Variants in ZNF789 observed in about 807,000 individuals in gnomAD.
ZNF789 encodes the protein zinc finger protein 789.
A neutral mutation model predicts 15.6 loss-of-function variants in ZNF789; 11 were observed. The observed-to-expected ratio is 0.70, with a 90% CI of 0.44 to 1.16. ZNF789 has a LOEUF of 1.16. Ranked by LOEUF, ZNF789 falls within the 50% of genes most tolerant of loss-of-function variation. The pLI is 0.00. For missense variants in ZNF789, 461 were observed against 512.6 expected (o/e 0.90, Z 0.97); for synonymous variants, 159 against 176.0 (o/e 0.90, Z 0.76).
intron 1 of ZNF789, among the ~76,000 whole-genome samples, chr7:99,474,202 T>C (rs189765274): frequency 2.0e-5 from 3 of 152,148 alleles, no homozygotes; most frequent in Non-Finnish European, 4.4e-5. Flanking sequence ...CTGGGCCACA[T>C]TGGAAGAAGA....
At chr7:99,477,142 A>C (rs1416947096) in intron 2 of ZNF789, among the ~76,000 whole-genome samples, 1 of 151,578 alleles carries the variant, frequency 6.6e-6, no homozygotes, top group Non-Finnish European at 1.5e-5. Flanking sequence ...TCCCGGGTTC[A>C]AGTGATTATC....
At chr7:99,483,447 T>C (rs1314894876) in intron 3 of ZNF789, among the ~76,000 whole-genome samples, 2 of 151,980 alleles carry the variant, frequency 1.3e-5, no homozygotes, top group African/African-American at 4.8e-5. Flanking sequence ...CTGGCCAACA[T>C]GGTGAAACCC....
intron 1 of ZNF789, among the ~76,000 whole-genome samples, chr7:99,474,893 G>C (rs1799232645): frequency 1.3e-5 from 2 of 151,862 alleles, no homozygotes; most frequent in African/African-American, 2.4e-5. Flanking sequence ...ACTGAGGCAG[G>C]AGCATTGCTT....
chr7:99,485,338 C>A, intron 4 of ZNF789: 1 of 918,256 alleles, frequency 1.1e-6, no homozygotes, highest in Non-Finnish European at 1.7e-6. Context: ...CCCTGGCCTG[C>A]ATCCACTAGA....
chr7:99,484,355 G>A (rs1799802822), intron 4 of ZNF789, among the ~76,000 whole-genome samples: 1 of 152,214 alleles, frequency 6.6e-6, no homozygotes, highest in Non-Finnish European at 1.5e-5. Context: ...GCTGGACGCG[G>A]TGGCGCATTC....
At chr7:99,481,574 C>G (rs1781564187) in intron 3 of ZNF789, 1 of 153,008 alleles carries the variant, frequency 6.5e-6, no homozygotes, top group African/African-American at 2.4e-5. Flanking sequence ...TCTCCTGCCT[C>G]AGACTCCTGA....
chr7:99,474,455 G>C (rs1325112170), intron 1 of ZNF789, among the ~76,000 whole-genome samples: 2 of 152,072 alleles, frequency 1.3e-5, no homozygotes, highest in Admixed American at 6.5e-5. Flanking sequence ...TTAGCGGGGC[G>C]TGGTGGCGGG....
At chr7:99,478,408 A>G in intron 2 of ZNF789, 1 of 1,271,290 alleles carries the variant, frequency 7.9e-7, no homozygotes, top group Admixed American at 2.3e-5. Flanking sequence ...GATAGGCAGG[A>G]AAGAAAGTCC....
In ZNF789 at chr7:99,476,493, TC is replaced by T; in HGVS notation, c.24+18del. ...AGCCAGGGGGAAGGTGAGCTGTGCCTCCCCCTCTGCTTCATCAGCATAGTCA... is the reference window on the plus strand; with the variant it reads ...AGCCAGGGGGAAGGTGAGCTGTGCCTCCCCTCTGCTTCATCAGCATAGTCA... On this transcript the variant is annotated intron_variant, in intron 2 of 4. Transcript: ENST00000331410. 6.2e-7 allele frequency: 1 copy of T among 1,610,626 alleles called. No individual in the cohort carries two copies. Among genetic ancestry groups the T allele is most frequent in the Non-Finnish European group, 8.5e-7 (1 of 1,178,818 alleles).
At chr7:99,481,672 G>A (rs1465952871) in intron 3 of ZNF789, 1 of 162,244 alleles carries the variant, frequency 6.2e-6, no homozygotes, top group Non-Finnish European at 1.3e-5. Context: ...GGTCAGGCTG[G>A]TCTCAAACTC....
chr7:99,476,621 C>T, intron 2 of ZNF789, 141 bp downstream of exon 2: 1 of 981,494 alleles, frequency 1.0e-6, no homozygotes, highest in East Asian at 3.2e-5. Flanking sequence ...TCTGGAGTCA[C>T]ATGGGCTTCC....
At chr7:99,486,329 G>C (rs1799947121) in intron 4 of ZNF789, 147 bp from the exon 5 acceptor site, 5 of 833,738 alleles carry the variant, frequency 6.0e-6, no homozygotes, top group Admixed American at 3.2e-5. Flanking sequence ...AAAAATTTCA[G>C]AGTTTTGGCC....
chr7:99,485,321 G>A (rs1799875720), intron 4 of ZNF789: 6 of 1,097,326 alleles, frequency 5.5e-6, no homozygotes, highest in Non-Finnish European at 8.0e-6. Context: ...AGGATGTTGA[G>A]TAGCAGCCCT....
rs146542981 is a variant in ZNF789 at position 99,486,659 on chromosome 7, A to G, written c.449A>G (p.Tyr150Cys). ...RLTFPTSGDE[Y>C]SRGFLQNLNL... ...ACTTTCCCTACTAGTGGTGATGAATACAGCAGGGGCTTCCTTCAAAACCTT... is the reference window on the plus strand; with the variant it reads ...ACTTTCCCTACTAGTGGTGATGAATGCAGCAGGGGCTTCCTTCAAAACCTT... The change falls in exon 5 of 5, where the codon TAC (tyrosine) becomes TGC (cysteine). Residue 150 changes from tyrosine (Y) to cysteine (C), a missense_variant. By Grantham distance (194) the Tyr-to-Cys change is radical. Transcript: ENST00000331410. 480 of 1,614,218 alleles carry G rather than the reference A, an allele frequency of 3.0e-4. No individual in the cohort carries two copies. The African/African-American group carries it at 4.8e-3, about 16-fold the overall frequency.
chr7:99,483,978 ATGT>A (rs1799776494), intron 3 of ZNF789, 49 bp from the exon 4 acceptor site: 5 of 1,463,372 alleles, frequency 3.4e-6, no homozygotes, highest in Middle Eastern at 1.7e-4. Flanking sequence ...GCCCCGGGCC[ATGT>A]CTCTGTAACT....
At position 99,487,511 on chromosome 7, in the gene ZNF789, G is replaced by A; in HGVS notation, c.*23G>A. Reference sequence around the variant, plus strand: ...TGATGTTAATTGGAAAGCAGTCATTGGAGAACTAGAACTTATAAACCTCTA... The same window carrying A: ...TGATGTTAATTGGAAAGCAGTCATTAGAGAACTAGAACTTATAAACCTCTA... On this transcript the variant is annotated 3_prime_UTR_variant, in exon 5 of 5. Coordinates refer to ENST00000331410, the MANE Select transcript of ZNF789 (RefSeq NM_213603.3). The A allele has an allele frequency of 6.3e-7, 1 of 1,593,290 alleles. No homozygotes were observed. Among genetic ancestry groups the A allele is most frequent in the Non-Finnish European group, 8.6e-7 (1 of 1,169,584 alleles).
chr7:99,473,770 G>A (rs905973207), intron 1 of ZNF789, among the ~76,000 whole-genome samples: 2 of 152,142 alleles, frequency 1.3e-5, no homozygotes, highest in Non-Finnish European at 2.9e-5. Context: ...ACAGGCACGC[G>A]CCACCATGCC....
rs756288137 is a variant in ZNF789, at chr7:99,486,516, A to G, written c.306A>G (p.Lys102=). Residue 102 remains lysine, a synonymous_variant, in exon 5 of 5, where the codon AAA becomes AAG. Coordinates refer to ENST00000331410, the MANE Select transcript of ZNF789 (RefSeq NM_213603.3). ...ARHKMKKLTP[K]QKFSEDLESY... ...ACAAGATGAAAAAGCTAACTCCAAAACAGAAATTTTCTGAAGATTTAGAGT... is the reference window on the plus strand; with the variant it reads ...ACAAGATGAAAAAGCTAACTCCAAAGCAGAAATTTTCTGAAGATTTAGAGT... 1 of 1,613,206 alleles carries G rather than the reference A, an allele frequency of 6.2e-7. No homozygotes were observed. Among genetic ancestry groups the G allele is most frequent in the Admixed American group, 1.7e-5 (1 of 59,838 alleles).
At chr7:99,479,345 G>C (rs1182578704) in intron 2 of ZNF789, 1 of 240,246 alleles carries the variant, frequency 4.2e-6, no homozygotes, top group Non-Finnish European at 7.9e-6. Context: ...CTGTTCCTCA[G>C]ATTGTTGATT....
Sources: allele counts gnomAD v4.1 joint callset (sites outside exome capture counted in the v4.1 genomes callset), GRCh38; gene constraint gnomAD v4.1.1; transcripts MANE v1.5; gene names NCBI Gene and HGNC (gene_info 2026-07-23, HGNC 2026-07-21).